The following RALYL variants were observed in gnomAD, a reference collection of about 807,000 sequenced individuals.
RALYL encodes the protein RALY RNA binding protein like.
Under a neutral mutation model 35.1 loss-of-function variants are expected in RALYL, and 29 were observed. The observed-to-expected ratio is 0.83, with a 90% CI of 0.61 to 1.13. The LOEUF is 1.13. RALYL is among the 50% of genes most tolerant of loss of function. RALYL has a pLI of 0.00. For synonymous variants in RALYL, 120 were observed against 127.6 expected, an observed-to-expected ratio of 0.94 and a Z score of 0.40; for missense variants, 359 against 360.4, an observed-to-expected ratio of 1.00 and a Z score of 0.03.
At chr8:84,572,128 T>C (rs893409688) in intron 2 of RALYL, among the ~76,000 whole-genome samples, 2 of 151,856 alleles carry the variant, frequency 1.3e-5, no homozygotes, top group African/African-American at 4.8e-5. Context: ...TGTAGTCCAG[T>C]TTAAGTCCAA....
chr8:84,284,182 C>T (rs978801812), intron 1 of RALYL, among the ~76,000 whole-genome samples: 6 of 152,038 alleles, frequency 3.9e-5, no homozygotes, highest in African/African-American at 9.7e-5. Context: ...CGATGAGATG[C>T]GGTCTCATTC....
chr8:84,187,866 G>T (rs1431657760), intron 1 of RALYL, among the ~76,000 whole-genome samples: 1 of 151,982 alleles, frequency 6.6e-6, no homozygotes, highest in African/African-American at 2.4e-5. Flanking sequence ...TAAAAGTGTG[G>T]TCATGTTTTG....
At chr8:84,394,125 T>C (rs986071301) in intron 1 of RALYL, among the ~76,000 whole-genome samples, 33 of 152,132 alleles carry the variant, frequency 2.2e-4, no homozygotes, top group African/African-American at 6.8e-4. Flanking sequence ...TTTCTACAGA[T>C]GTTCCTTATG....
intron 1 of RALYL, among the ~76,000 whole-genome samples, chr8:84,474,103 C>G (rs1432057010): frequency 6.6e-6 from 1 of 152,076 alleles, no homozygotes; most frequent in African/African-American, 2.4e-5. Context: ...TTTACTTGCT[C>G]TTTCAAAAAT....
intron 1 of RALYL, among the ~76,000 whole-genome samples, chr8:84,513,656 GT>G (rs913339032): frequency 6.6e-5 from 10 of 151,922 alleles, no homozygotes; most frequent in African/African-American, 2.4e-4. Flanking sequence ...TAAACGTTTA[GT>G]TTTTTTAATT....
chr8:84,366,559 G>A (rs1854316492), intron 1 of RALYL, among the ~76,000 whole-genome samples: 1 of 151,918 alleles, frequency 6.6e-6, no homozygotes, highest in African/African-American at 2.4e-5. Flanking sequence ...GGCAGATCAT[G>A]AGGTCAGGGG....
At chr8:84,903,128 T>C (rs1845953488) in intron 8 of RALYL, among the ~76,000 whole-genome samples, 1 of 152,134 alleles carries the variant, frequency 6.6e-6, no homozygotes, top group African/African-American at 2.4e-5. Flanking sequence ...AATATTTTAT[T>C]AGTAATCTTG....
At chr8:84,447,635 T>G (rs976389404) in intron 1 of RALYL, among the ~76,000 whole-genome samples, 1 of 152,078 alleles carries the variant, frequency 6.6e-6, no homozygotes, top group Admixed American at 6.6e-5. Flanking sequence ...AAATATTTAT[T>G]GAATGACTAC....
chr8:84,327,591 C>T (rs959060406), intron 1 of RALYL, among the ~76,000 whole-genome samples: 5 of 151,958 alleles, frequency 3.3e-5, no homozygotes, highest in African/African-American at 7.3e-5. Context: ...TCTATGGCTG[C>T]GTTCCTGCTG....
At chr8:84,571,028 G>A (rs1026544676) in intron 2 of RALYL, among the ~76,000 whole-genome samples, 1 of 151,730 alleles carries the variant, frequency 6.6e-6, no homozygotes, top group African/African-American at 2.4e-5. Flanking sequence ...CAGGGATATT[G>A]GCCTGTAGTT....
intron 2 of RALYL, among the ~76,000 whole-genome samples, chr8:84,545,387 C>T (rs1388557494): frequency 6.6e-6 from 1 of 152,114 alleles, no homozygotes; most frequent in Non-Finnish European, 1.5e-5. Flanking sequence ...TCTTTCAAAA[C>T]TGTCCTCTCT....
At chr8:84,635,700 T>C (rs1013309287) in intron 2 of RALYL, among the ~76,000 whole-genome samples, 1 of 151,778 alleles carries the variant, frequency 6.6e-6, no homozygotes, top group Non-Finnish European at 1.5e-5. Flanking sequence ...CCAGGAGATA[T>C]AATAAAATGA....
intron 2 of RALYL, among the ~76,000 whole-genome samples, chr8:84,727,709 G>C (rs964647419): frequency 6.8e-6 from 1 of 147,496 alleles, no homozygotes; most frequent in Non-Finnish European, 1.5e-5. Flanking sequence ...ACCTATGAGT[G>C]AGAATATGCC....
chr8:84,607,768 G>A (rs759605562), intron 2 of RALYL, among the ~76,000 whole-genome samples: 11 of 151,912 alleles, frequency 7.2e-5, no homozygotes, highest in South Asian at 2.1e-4. Context: ...TAGATCCTCC[G>A]CCCTTCTTGT....
At chr8:84,270,271 A>C (rs1017552239) in intron 1 of RALYL, among the ~76,000 whole-genome samples, 2 of 152,342 alleles carry the variant, frequency 1.3e-5, no homozygotes, top group Middle Eastern at 3.4e-3. Context: ...AAGAAGGAGC[A>C]CAAATAATGG....
chr8:84,620,878 TG>T (rs1490600305), intron 2 of RALYL, among the ~76,000 whole-genome samples: 1 of 152,128 alleles, frequency 6.6e-6, no homozygotes, highest in Non-Finnish European at 1.5e-5. Flanking sequence ...GTGCCCCTGC[TG>T]GGGGGTGCCT....
intron 2 of RALYL, among the ~76,000 whole-genome samples, chr8:84,629,774 A>ATGTG (rs1256129087): frequency 6.6e-6 from 1 of 152,138 alleles, no homozygotes; most frequent in Non-Finnish European, 1.5e-5. Context: ...AAGTGGAATT[A>ATGTG]TGTGTGATTA....
chr8:84,671,581 G>A (rs751651167), intron 2 of RALYL, among the ~76,000 whole-genome samples: 1 of 152,140 alleles, frequency 6.6e-6, no homozygotes, highest in Admixed American at 6.5e-5. Context: ...TGACTTCTGT[G>A]CACTCACAGA....
chr8:84,693,900 C>A (rs1217157587), intron 2 of RALYL, among the ~76,000 whole-genome samples: 1 of 151,640 alleles, frequency 6.6e-6, no homozygotes, highest in East Asian at 1.9e-4. Flanking sequence ...AAATACATTT[C>A]ACAAAATTTA....
Sources: gnomAD v4.1 joint callset for allele counts (sites outside exome capture counted in the v4.1 genomes callset) on GRCh38, gnomAD v4.1.1 for gene constraint, MANE v1.5 for transcripts, NCBI Gene and HGNC (gene_info 2026-07-23, HGNC 2026-07-21) for gene names.